CSMD1: variants seen among roughly 807,000 people sequenced by gnomAD.
CSMD1 encodes CUB and Sushi multiple domains 1.
Under a neutral mutation model 417.5 loss-of-function variants are expected in CSMD1, and 213 were observed. The observed-to-expected ratio is 0.51, with a 90% CI of 0.46 to 0.57. The LOEUF is 0.57. CSMD1 is among the 20% of genes least tolerant of loss of function. The pLI is 0.00. For synonymous variants in CSMD1, 2,862 were observed against 1,736.8 expected, an observed-to-expected ratio of 1.65 and a Z score of -16.11; for missense variants, 6,923 against 4,529.7, an observed-to-expected ratio of 1.53 and a Z score of -15.17.
Position 3,797,391 on chromosome 8 carries a change from T to C in CSMD1, c.819-43349A>G, listed in dbSNP as rs1800218177. Among the ~76,000 whole-genome samples, 3 of 151,982 alleles carry C rather than the reference T, an allele frequency of 2.0e-5. No individual in the cohort carries two copies. In the South Asian group the frequency reaches 6.2e-4, roughly 31 times the overall value. On this transcript the variant is annotated intron_variant, in intron 5 of 69. Transcript: ENST00000635120. ...CCCCGGATGCAGGCATAAAACATTT[T>C]CATCAATATGGAAATTTCATTTTTC... is the stretch of plus-strand genomic sequence containing the variant.
chr8:3,560,049 G>A (rs371863420), intron 10 of CSMD1, among the ~76,000 whole-genome samples: 3 of 152,214 alleles, frequency 2.0e-5, no homozygotes, highest in African/African-American at 7.2e-5. Context: ...GTGAATGAGA[G>A]ACAATTGATT....
intron 26 of CSMD1, among the ~76,000 whole-genome samples, chr8:3,257,245 A>T (rs1347373859): frequency 6.6e-6 from 1 of 152,178 alleles, no homozygotes. Context: ...AATCGCTTCA[A>T]CCTGGGAGGC....
intron 2 of CSMD1, among the ~76,000 whole-genome samples, chr8:4,435,489 T>A (rs1000723890): frequency 3.3e-5 from 5 of 152,206 alleles, no homozygotes; most frequent in Non-Finnish European, 7.3e-5. Flanking sequence ...AGCCCTGTTA[T>A]GATATGATTT....
chr8:3,157,734 G>A (rs1256616745), intron 39 of CSMD1, among the ~76,000 whole-genome samples, 163 bp downstream of exon 39: 1 of 152,192 alleles, frequency 6.6e-6, no homozygotes, highest in African/African-American at 2.4e-5. Flanking sequence ...GAAGGTGCAG[G>A]TTAAACGCAT....
At chr8:3,235,701 A>G (rs1799108948) in intron 26 of CSMD1, among the ~76,000 whole-genome samples, 1 of 152,224 alleles carries the variant, frequency 6.6e-6, no homozygotes, top group Non-Finnish European at 1.5e-5. Context: ...GCCTTGCACT[A>G]GTGGTTACAT....
chr8:3,626,787 T>A lies in CSMD1; in HGVS notation c.1010-9990A>T, dbSNP rs1471458579. On this transcript the variant is annotated intron_variant, in intron 7 of 69. Coordinates refer to ENST00000635120, the MANE Select transcript of CSMD1 (RefSeq NM_033225.6). ...TATTCAGAATAAGAGAATAGTGTCA[T>A]TAAAACTTTAATACTATGTATACTA... Among the ~76,000 whole-genome samples the A allele has an allele frequency of 5.3e-5, 8 of 150,218 alleles. No homozygotes were observed. In the South Asian group the frequency reaches 8.3e-4, roughly 16 times the overall value.
At chr8:4,594,412 C>G (rs1387337814) in intron 2 of CSMD1, among the ~76,000 whole-genome samples, 1 of 151,860 alleles carries the variant, frequency 6.6e-6, no homozygotes, top group Non-Finnish European at 1.5e-5. Context: ...GTTGGCCAGG[C>G]TGGTCTCAAA....
chr8:3,361,354 C>T (rs1245418726), intron 20 of CSMD1, among the ~76,000 whole-genome samples: 1 of 152,044 alleles, frequency 6.6e-6, no homozygotes, highest in South Asian at 2.1e-4. Flanking sequence ...AAACTCCAGG[C>T]ACTGTGGCTC....
intron 12 of CSMD1, among the ~76,000 whole-genome samples, chr8:3,458,291 G>A (rs1259366537): frequency 2.0e-5 from 3 of 152,108 alleles, no homozygotes; most frequent in Admixed American, 1.3e-4. Flanking sequence ...TGCTCTCCTG[G>A]CTCATATGTG....
intron 3 of CSMD1, among the ~76,000 whole-genome samples, chr8:4,231,000 A>G (rs1404716903): frequency 3.3e-5 from 5 of 152,146 alleles, no homozygotes; most frequent in Non-Finnish European, 5.9e-5. Flanking sequence ...ATTTTGTTTC[A>G]TCACACACAC....
chr8:4,322,151 T>A (rs948784514), intron 3 of CSMD1, among the ~76,000 whole-genome samples: 1 of 152,232 alleles, frequency 6.6e-6, no homozygotes, highest in African/African-American at 2.4e-5. Flanking sequence ...TTCTTTACAT[T>A]TGAAATAACA....
intron 7 of CSMD1, among the ~76,000 whole-genome samples, chr8:3,670,050 C>T (rs1215885199): frequency 6.6e-6 from 1 of 152,060 alleles, no homozygotes; most frequent in Non-Finnish European, 1.5e-5. Flanking sequence ...TAGGGTCTCA[C>T]AATTTGTGAT....
chr8:4,874,194 T>C (rs919340449), intron 1 of CSMD1, among the ~76,000 whole-genome samples: 3 of 152,224 alleles, frequency 2.0e-5, no homozygotes, highest in Middle Eastern at 3.4e-3. Context: ...ACAATGAACA[T>C]GTGTGATTAA....
At chr8:3,142,936 C>A (rs1015450988) in intron 40 of CSMD1, among the ~76,000 whole-genome samples, 2 of 152,092 alleles carry the variant, frequency 1.3e-5, no homozygotes, top group African/African-American at 4.8e-5. Flanking sequence ...ATATTACCAG[C>A]ACCGTACCAC....
At chr8:3,177,850 C>T (rs1821040837) in intron 37 of CSMD1, among the ~76,000 whole-genome samples, 1 of 151,492 alleles carries the variant, frequency 6.6e-6, no homozygotes, top group Non-Finnish European at 1.5e-5. Context: ...TCAATATTAT[C>T]ACCGTTCACA....
intron 37 of CSMD1, among the ~76,000 whole-genome samples, chr8:3,180,209 C>G (rs996931494): frequency 3.3e-5 from 5 of 152,172 alleles, no homozygotes; most frequent in African/African-American, 1.2e-4. Flanking sequence ...TAATCAAACG[C>G]CAAAAAAGAT....
chr8:3,938,222 G>A lies in CSMD1; in HGVS notation c.818+59681C>T, dbSNP rs138341240. On this transcript the variant is annotated intron_variant, in intron 5 of 69. Coordinates refer to ENST00000635120, the MANE Select transcript of CSMD1 (RefSeq NM_033225.6). ...TTTTGGGTAACATCCAGTCACTGAT[G>A]AAGCCATGTGTAAAATGCTTTACTG... is the stretch of plus-strand genomic sequence containing the variant. 1.2e-4 allele frequency among the ~76,000 whole-genome samples: 19 copies of A among 152,194 alleles called. 1 individual carries two copies. The highest frequency in any genetic ancestry group is 4.6e-4 in the African/African-American group (19 of 41,538).
intron 37 of CSMD1, among the ~76,000 whole-genome samples, chr8:3,173,432 T>C: frequency 6.6e-6 from 1 of 152,178 alleles, no homozygotes; most frequent in African/African-American, 2.4e-5. Flanking sequence ...TGATTGATAT[T>C]AATGAAAGCA....
At chr8:3,464,736 C>T (rs1050334327) in intron 12 of CSMD1, among the ~76,000 whole-genome samples, 5 of 151,768 alleles carry the variant, frequency 3.3e-5, no homozygotes, top group African/African-American at 1.2e-4. Context: ...GTCAGTGTTG[C>T]TTTATATGGC....
Sources: gnomAD v4.1 joint callset for allele counts (sites outside exome capture counted in the v4.1 genomes callset) on GRCh38, gnomAD v4.1.1 for gene constraint, MANE v1.5 for transcripts, NCBI Gene and HGNC (gene_info 2026-07-23, HGNC 2026-07-21) for gene names.